The following GTF2A1L variants were observed in gnomAD, a reference collection of about 807,000 sequenced individuals.
GTF2A1L encodes the protein TFIIA-alpha and beta-like factor.
Under a neutral mutation model 49.7 loss-of-function variants are expected in GTF2A1L, and 48 were observed. The observed-to-expected ratio is 0.97, with a 90% CI of 0.77 to 1.23. The LOEUF is 1.23. GTF2A1L is among the 50% of genes most tolerant of loss of function. GTF2A1L has a pLI of 0.00. For missense variants in GTF2A1L, 736 were observed against 564.8 expected, an observed-to-expected ratio of 1.30 and a Z score of -3.07; for synonymous variants, 246 against 193.5, an observed-to-expected ratio of 1.27 and a Z score of -2.25.
chr2:48,637,277 A>G (rs894329235), intron 3 of GTF2A1L, among the ~76,000 whole-genome samples: 1 of 152,224 alleles, frequency 6.6e-6, no homozygotes, highest in African/African-American at 2.4e-5. Context: ...CAATGTATCA[A>G]AGAATTTTTG....
intron 1 of GTF2A1L, among the ~76,000 whole-genome samples, chr2:48,619,849 A>T (rs913909425): frequency 6.6e-6 from 1 of 152,140 alleles, no homozygotes. Flanking sequence ...TTTCATTGTC[A>T]TGGCATGTTT....
chr2:48,635,918 A>G (rs772065425), intron 3 of GTF2A1L, among the ~76,000 whole-genome samples: 1 of 152,100 alleles, frequency 6.6e-6, no homozygotes, highest in African/African-American at 2.4e-5. Context: ...GGAGGAAAAA[A>G]AAAGTTCTCC....
rs553228436 is a variant in GTF2A1L at position 48,640,641 on chromosome 2, C to G, written c.248-1761C>G. 3.9e-5 allele frequency among the ~76,000 whole-genome samples: 6 copies of G among 152,240 alleles called. No individual in the cohort carries two copies. In the South Asian group the frequency reaches 1.2e-3, roughly 32 times the overall value. On this transcript the variant is annotated intron_variant, in intron 3 of 8. Coordinates refer to ENST00000403751, the MANE Select transcript of GTF2A1L (RefSeq NM_006872.5). ...ACAAAATAATCTGTAAAATCTGTGA[C>G]ACGAGTTTACCTGTGGAACAAACCT...
intron 3 of GTF2A1L, among the ~76,000 whole-genome samples, chr2:48,627,616 T>A (rs11890355): frequency 0.11 from 15,867 of 144,140 alleles, 2,779 homozygotes; most frequent in African/African-American, 0.22. Context: ...TAGTTTATGT[T>A]TAAAAAAATG....
chr2:48,619,279 GC>G (rs1675840148), intron 1 of GTF2A1L, among the ~76,000 whole-genome samples: 1 of 151,946 alleles, frequency 6.6e-6, no homozygotes, highest in South Asian at 2.1e-4. Flanking sequence ...GACCAGCCTG[GC>G]CAACATGGTG....
intron 8 of GTF2A1L, among the ~76,000 whole-genome samples, chr2:48,672,629 A>G (rs938879834): frequency 2.6e-5 from 4 of 152,310 alleles, no homozygotes; most frequent in South Asian, 2.1e-4. Flanking sequence ...TCAGGTTTCC[A>G]GCCTAGAGAT....
At chr2:48,656,816 T>G (rs1029009351) in intron 6 of GTF2A1L, among the ~76,000 whole-genome samples, 2 of 152,156 alleles carry the variant, frequency 1.3e-5, no homozygotes, top group Non-Finnish European at 2.9e-5. Context: ...CTCTAAGAGA[T>G]TTATAGTTTT....
intron 5 of GTF2A1L, among the ~76,000 whole-genome samples, 169 bp downstream of exon 5, chr2:48,645,286 C>G (rs1677432157): frequency 6.6e-6 from 1 of 152,172 alleles, no homozygotes; most frequent in South Asian, 2.1e-4. Context: ...TAGAGACAAT[C>G]TACCACAAAA....
rs79819688 is a variant in GTF2A1L, at chr2:48,666,874, T to C, written c.979-2848T>C. Among the ~76,000 whole-genome samples, 929 of 152,256 alleles carry C rather than the reference T, an allele frequency of 6.1e-3. 6 individuals carry two copies. The highest frequency in any genetic ancestry group is 8.9e-3 in the Non-Finnish European group (603 of 68,008). ...CCACTTTTTTCCCTAAATTATTTGG[T>C]GTATCAATCATAGTTTGACATTTCT... is the stretch of plus-strand genomic sequence containing the variant. On this transcript the variant is annotated intron_variant, in intron 6 of 8. Coordinates refer to ENST00000403751, the MANE Select transcript of GTF2A1L (RefSeq NM_006872.5).
At chr2:48,630,823 G>A (rs1281531103) in intron 3 of GTF2A1L, among the ~76,000 whole-genome samples, 1 of 152,026 alleles carries the variant, frequency 6.6e-6, no homozygotes, top group Non-Finnish European at 1.5e-5. Flanking sequence ...TTATCATGAA[G>A]TCATGTTGGA....
At chr2:48,617,929 C>T (rs1344038980) in intron 1 of GTF2A1L, 34 bp downstream of exon 1, 1 of 1,548,506 alleles carries the variant, frequency 6.5e-7, no homozygotes, top group East Asian at 2.4e-5. Flanking sequence ...GTAGAGGGAG[C>T]GCCCTGGGAC....
intron 8 of GTF2A1L, among the ~76,000 whole-genome samples, chr2:48,673,445 C>G (rs1489498036): frequency 6.8e-6 from 1 of 146,060 alleles, no homozygotes; most frequent in Non-Finnish European, 1.5e-5. Context: ...TCACTGCAAG[C>G]TCCGCCTCCC....
chr2:48,672,906 C>A (rs1433823433), intron 8 of GTF2A1L, among the ~76,000 whole-genome samples: 6 of 152,124 alleles, frequency 3.9e-5, no homozygotes. Flanking sequence ...CAAAAAGAAA[C>A]CCCATACTTT....
chr2:48,663,561 T>G (rs1371462198), intron 6 of GTF2A1L, among the ~76,000 whole-genome samples: 1 of 152,242 alleles, frequency 6.6e-6, no homozygotes, highest in African/African-American at 2.4e-5. Context: ...TTTTCCCATT[T>G]TGAGATCTCT....
chr2:48,624,668 A>G (rs1410041964), intron 3 of GTF2A1L, among the ~76,000 whole-genome samples: 1 of 143,854 alleles, frequency 7.0e-6, no homozygotes, highest in South Asian at 2.3e-4. Flanking sequence ...GATCCTATGT[A>G]TCTGTGACTT....
chr2:48,665,004 C>G (rs528888624), intron 6 of GTF2A1L, among the ~76,000 whole-genome samples: 11 of 152,096 alleles, frequency 7.2e-5, no homozygotes, highest in African/African-American at 2.2e-4. Flanking sequence ...TCACTGCAAC[C>G]AGCACCTCCT....
At chr2:48,636,209 G>A (rs1242814889) in intron 3 of GTF2A1L, among the ~76,000 whole-genome samples, 1 of 151,972 alleles carries the variant, frequency 6.6e-6, no homozygotes, top group Non-Finnish European at 1.5e-5. Context: ...TGCCACCTGA[G>A]GAAAAAAAGG....
chr2:48,647,215 A>G (rs1677569761), intron 6 of GTF2A1L, 173 bp downstream of exon 6: 2 of 573,532 alleles, frequency 3.5e-6, no homozygotes, highest in Non-Finnish European at 5.7e-6. Flanking sequence ...ATTGTGATAA[A>G]ATACACGTAA....
chr2:48,630,493 T>C lies in GTF2A1L; in HGVS notation c.247+9203T>C, dbSNP rs1457510161. Among the ~76,000 whole-genome samples, 4 of 144,308 alleles carry C rather than the reference T, an allele frequency of 2.8e-5. 1 individual carries two copies. Among genetic ancestry groups the C allele is most frequent in the African/African-American group, 4.9e-5 (2 of 40,570 alleles). 94.7% of individuals were successfully genotyped at this position (144,308 alleles called of 152,430 possible). A position where few individuals can be genotyped will look rare whatever the true frequency, so the allele number is the denominator to read the frequency against. ...GTATCCTGAAACTTAACTGAAGACATGTATTAGTTCTAAGAGTCTTTTGGT... is the reference window on the plus strand; with the variant it reads ...GTATCCTGAAACTTAACTGAAGACACGTATTAGTTCTAAGAGTCTTTTGGT... On this transcript the variant is annotated intron_variant, in intron 3 of 8. Transcript: ENST00000403751.
Sources: gnomAD v4.1 joint callset for allele counts (sites outside exome capture counted in the v4.1 genomes callset) on GRCh38, gnomAD v4.1.1 for gene constraint, MANE v1.5 for transcripts, NCBI Gene and HGNC (gene_info 2026-07-23, HGNC 2026-07-21) for gene names.